The following NUP155 variants were observed in gnomAD, a reference collection of about 807,000 sequenced individuals.
NUP155 encodes the protein nuclear pore complex protein Nup155.
In NUP155, 71 loss-of-function variants were observed where a neutral mutation model predicts 180.4. That is an observed-to-expected ratio of 0.39 (90% confidence interval 0.33 to 0.48). The LOEUF (loss-of-function observed/expected upper bound fraction) is 0.48. Among genes scored for constraint, NUP155 ranks in the 20% least tolerant of loss-of-function variants. The probability of loss-of-function intolerance (pLI) is 0.91; values close to 1 mark genes in which losing one functional copy is unlikely to be tolerated. For synonymous variants in NUP155, 582 were observed against 559.5 expected (o/e 1.04, Z -0.57); for missense variants, 1,553 against 1,648.9 (o/e 0.94, Z 1.01).
intron 9 of NUP155, among the ~76,000 whole-genome samples, chr5:37,348,156 T>TAGCC (rs1454722639): frequency 1.3e-5 from 2 of 151,592 alleles, no homozygotes; most frequent in African/African-American, 4.8e-5. Context: ...ATATAAAAAT[T>TAGCC]AGCCAGGCAT....
rs1443589518 is a variant in NUP155 at position 37,341,108 on chromosome 5, T to C, written c.1228A>G (p.Arg410Gly). 23 of 1,612,690 alleles carry C rather than the reference T, an allele frequency of 1.4e-5. No individual in the cohort carries two copies. The highest frequency in any genetic ancestry group is 1.8e-5 in the Non-Finnish European group (21 of 1,178,690). Reference protein sequence around the residue: ...STVEKPSKVHRALYSKGILLM... With the variant: ...STVEKPSKVHGALYSKGILLM... ...AACTTACCTTTACTATAAAGAGCTC[T>C]ATGTACTTTTGAAGGCTTTTCCACG... The change falls in exon 11 of 35, where the codon AGA becomes GGA. Residue 410 changes from arginine to glycine, a missense_variant. Arg to Gly is a moderately radical substitution (Grantham distance 125). Coordinates refer to ENST00000231498, the MANE Select transcript of NUP155 (RefSeq NM_153485.3).
chr5:37,299,368 A>T, intron 31 of NUP155, 80 bp downstream of exon 31: 1 of 1,535,904 alleles, frequency 6.5e-7, no homozygotes, highest in Non-Finnish European at 9.0e-7. Context: ...AGCTTGCATT[A>T]TATTAGTTAC....
intron 1 of NUP155, among the ~76,000 whole-genome samples, chr5:37,366,298 C>A (rs1397889588): frequency 6.6e-6 from 1 of 152,112 alleles, no homozygotes; most frequent in African/African-American, 2.4e-5. Flanking sequence ...ATAAAACAAT[C>A]TTGAAGTGTA....
chr5:37,346,642 G>A (rs1746107027), intron 9 of NUP155, among the ~76,000 whole-genome samples: 1 of 151,782 alleles, frequency 6.6e-6, no homozygotes, highest in South Asian at 2.1e-4. Context: ...TTGCACTCCA[G>A]CCTGGGGGAC....
intron 19 of NUP155, among the ~76,000 whole-genome samples, chr5:37,325,197 A>G (rs1744509165): frequency 6.6e-6 from 1 of 152,142 alleles, no homozygotes; most frequent in African/African-American, 2.4e-5. Flanking sequence ...TCTGTAAAGT[A>G]TGCCAATTCA....
intron 3 of NUP155, among the ~76,000 whole-genome samples, chr5:37,361,265 C>CAAAAAAAAA (rs35489900): frequency 9.0e-5 from 7 of 78,024 alleles, no homozygotes; most frequent in African/African-American, 4.2e-4. Context: ...GACTCTGTCT[C>CAAAAAAAAA]AAAAAAAAAA....
chr5:37,339,129 G>A (rs1745545063), intron 11 of NUP155, among the ~76,000 whole-genome samples: 1 of 152,066 alleles, frequency 6.6e-6, no homozygotes, highest in Non-Finnish European at 1.5e-5. Flanking sequence ...AGCAGTTTCG[G>A]AGGCTGAGGC....
chr5:37,350,236 A>C lies in NUP155; in HGVS notation c.753T>G (p.Cys251Trp). Residue 251 changes from cysteine to tryptophan, a missense_variant, in exon 7 of 35, where the codon TGT (cysteine) becomes TGG (tryptophan). Physicochemically the swap from Cys to Trp is radical, Grantham distance 215. Transcript: ENST00000231498. ...AGCTCTTTGAGTGGTTTATTTTCCT[A>C]CATCTTTGGCTAAACCACCCTGCTT... ...QAEAGWFSQR[C>W]RKINHSKSSL... The C allele has an allele frequency of 6.2e-7, 1 of 1,613,916 alleles. No homozygotes were observed. Among genetic ancestry groups the C allele is most frequent in the Non-Finnish European group, 8.5e-7 (1 of 1,179,888 alleles).
chr5:37,329,388 A>G (rs377147758), intron 15 of NUP155, 110 bp from the exon 16 acceptor site: 84 of 786,324 alleles, frequency 1.1e-4, no homozygotes, highest in East Asian at 1.0e-3. Context: ...TTTAAACATT[A>G]GAGACTTCAA....
At chr5:37,363,201 AGCG>A (rs1747333819) in intron 3 of NUP155, among the ~76,000 whole-genome samples, 1 of 152,160 alleles carries the variant, frequency 6.6e-6, no homozygotes, top group African/African-American at 2.4e-5. Flanking sequence ...CGTTTGAGTC[AGCG>A]TGCTCGGCCG....
At chr5:37,297,752 T>C (rs924504868) in intron 32 of NUP155, among the ~76,000 whole-genome samples, 1 of 152,102 alleles carries the variant, frequency 6.6e-6, no homozygotes, top group Non-Finnish European at 1.5e-5. Context: ...ATATAAAGTA[T>C]GTATTTGCTC....
intron 20 of NUP155, among the ~76,000 whole-genome samples, chr5:37,319,439 T>G (rs1744103331): frequency 6.6e-6 from 1 of 152,218 alleles, no homozygotes; most frequent in African/African-American, 2.4e-5. Context: ...GGACATGTAT[T>G]AACTCTATTG....
intron 4 of NUP155, among the ~76,000 whole-genome samples, chr5:37,356,838 C>T (rs905188717): frequency 3.3e-5 from 5 of 152,122 alleles, no homozygotes; most frequent in Non-Finnish European, 5.9e-5. Flanking sequence ...CAGGGCACGG[C>T]GGCTCACGCC....
intron 20 of NUP155, among the ~76,000 whole-genome samples, chr5:37,320,315 T>C (rs889989134): frequency 7.3e-5 from 11 of 151,684 alleles, no homozygotes; most frequent in African/African-American, 2.7e-4. Context: ...CCGTCTCTAC[T>C]AAAAATACAA....
At chr5:37,322,206 C>T (rs1334097795) in intron 20 of NUP155, among the ~76,000 whole-genome samples, 2 of 152,038 alleles carry the variant, frequency 1.3e-5, no homozygotes, top group African/African-American at 2.4e-5. Flanking sequence ...AGGCTGGTCT[C>T]GAACTCCTGG....
intron 9 of NUP155, among the ~76,000 whole-genome samples, chr5:37,346,048 T>A (rs991923860): frequency 1.5e-4 from 23 of 152,064 alleles, no homozygotes; most frequent in Admixed American, 2.6e-4. Context: ...GCCTTCAGAA[T>A]TTTTTTCTTG....
chr5:37,358,630 A>AT (rs1247730160), intron 3 of NUP155, among the ~76,000 whole-genome samples: 1 of 152,098 alleles, frequency 6.6e-6, no homozygotes, highest in Admixed American at 6.6e-5. Context: ...TAATTTTTGT[A>AT]TTTTTTGTAG....
chr5:37,290,232 CT>C lies in NUP155; in HGVS notation c.*1667del, dbSNP rs1394859871. 6.6e-6 allele frequency: 1 copy of C among 152,146 alleles called. No homozygotes were observed. Among genetic ancestry groups the C allele is most frequent in the South Asian group, 2.1e-4 (1 of 4,830 alleles). 9.4% of individuals were successfully genotyped at this position (152,146 alleles called of 1,614,324 possible). A position where few individuals can be genotyped will look rare whatever the true frequency, so the allele number is the denominator to read the frequency against. ...TTGGCTCACGTCTGTAATCTCAACA[CT>C]TTGGGAGGTGGAGGCGGGCAGATCA... On this transcript the variant is annotated 3_prime_UTR_variant, in exon 35 of 35. Transcript: ENST00000231498.
chr5:37,301,509 C>T lies in NUP155; in HGVS notation c.3489G>A (p.Arg1163=), dbSNP rs767130555. The T allele has an allele frequency of 2.5e-6, 4 of 1,613,696 alleles. No homozygotes were observed. In the East Asian group the frequency reaches 6.7e-5, roughly 27 times the overall value. The change falls in exon 30 of 35, where the codon AGG becomes AGA. Residue 1163 remains arginine (R), a synonymous_variant. Transcript: ENST00000231498. The stretch of plus-strand genomic sequence containing the variant: ...GTACAGAAGAATGATGGGAATACTG[C>T]CTTTGTAGTGTCTCCTGTATCTGAA... ...IQLQIQETLQ[R]QYSHHSSVQD...
Sources: gnomAD v4.1 joint callset for allele counts (sites outside exome capture counted in the v4.1 genomes callset) on GRCh38, gnomAD v4.1.1 for gene constraint, MANE v1.5 for transcripts, NCBI Gene and HGNC (gene_info 2026-07-23, HGNC 2026-07-21) for gene names.